Variants in GRM7 observed in about 807,000 individuals in gnomAD.
The protein encoded by GRM7 is glutamate metabotropic receptor 7.
A neutral mutation model predicts 84.5 loss-of-function variants in GRM7; 35 were observed. The observed-to-expected ratio is 0.41, with a 90% CI of 0.32 to 0.55. The LOEUF (loss-of-function observed/expected upper bound fraction) is 0.55, where lower values mean the gene tolerates loss of function less well. Among genes scored for constraint, GRM7 ranks in the 20% least tolerant of loss-of-function variants. The pLI, the probability that GRM7 is intolerant of heterozygous loss-of-function variation, is 0.19. For synonymous variants in GRM7, 487 were observed against 455.1 expected, an observed-to-expected ratio of 1.07 and a Z score of -0.89; for missense variants, 1,003 against 1,194.6, an observed-to-expected ratio of 0.84 and a Z score of 2.36.
intron 9 of GRM7, among the ~76,000 whole-genome samples, chr3:7,707,601 T>G (rs1345604479): frequency 6.6e-6 from 1 of 152,198 alleles, no homozygotes; most frequent in Non-Finnish European, 1.5e-5. Context: ...TTAAACCATT[T>G]ATTTTAAAGG....
chr3:7,463,120 TA>T (rs3838619), intron 7 of GRM7, among the ~76,000 whole-genome samples: 84,181 of 151,842 alleles, frequency 0.55, 24,380 homozygotes, highest in Non-Finnish European at 0.65. Flanking sequence ...CAAATAAAGG[TA>T]AGAGAATCAA....
At chr3:7,157,901 C>G (rs1263851458) in intron 2 of GRM7, among the ~76,000 whole-genome samples, 2 of 151,958 alleles carry the variant, frequency 1.3e-5, no homozygotes, top group African/African-American at 4.8e-5. Flanking sequence ...CCAGGAGAGC[C>G]AGGACTCCTT....
intron 4 of GRM7, among the ~76,000 whole-genome samples, chr3:7,407,772 C>T (rs193276085): frequency 6.6e-6 from 1 of 152,266 alleles, no homozygotes; most frequent in East Asian, 1.9e-4. Context: ...ATAACATAGC[C>T]AGTAGTTGGC....
At chr3:6,951,045 T>C (rs1195662746) in intron 1 of GRM7, among the ~76,000 whole-genome samples, 1 of 152,148 alleles carries the variant, frequency 6.6e-6, no homozygotes, top group Non-Finnish European at 1.5e-5. Context: ...TCACGCACAG[T>C]GCGCTGCACC....
In GRM7 at chr3:7,406,942, G is replaced by A. The variant is rs564751798; in HGVS notation, c.1034-8081G>A. Among the ~76,000 whole-genome samples the A allele has an allele frequency of 3.9e-5, 6 of 152,172 alleles. No individual in the cohort carries two copies. In the East Asian group the frequency reaches 9.7e-4, roughly 24 times the overall value. ...ACAATTACACTCACTGTTAGTAGAG[G>A]GAAAAAAGATATAAAAATATGGGAT... On this transcript the variant is annotated intron_variant, in intron 4 of 9. Coordinates refer to ENST00000357716, the MANE Select transcript of GRM7 (RefSeq NM_000844.4).
chr3:7,381,195 AT>A (rs1319559173), intron 4 of GRM7, among the ~76,000 whole-genome samples: 2 of 152,148 alleles, frequency 1.3e-5, no homozygotes, highest in Non-Finnish European at 2.9e-5. Flanking sequence ...CTATTTTAAA[AT>A]ATTTTTATTC....
intron 1 of GRM7, among the ~76,000 whole-genome samples, chr3:6,971,456 G>C (rs1206482886): frequency 1.3e-5 from 2 of 152,078 alleles, no homozygotes; most frequent in African/African-American, 4.8e-5. Context: ...TATGAACATG[G>C]ATAGCCCTCC....
At chr3:6,922,913 A>G (rs1337441434) in intron 1 of GRM7, among the ~76,000 whole-genome samples, 1 of 152,248 alleles carries the variant, frequency 6.6e-6, no homozygotes, top group African/African-American at 2.4e-5. Context: ...AAGAGAAAAT[A>G]GGAGAACTGC....
At chr3:6,888,763 G>T (rs1695809208) in intron 1 of GRM7, among the ~76,000 whole-genome samples, 1 of 152,084 alleles carries the variant, frequency 6.6e-6, no homozygotes, top group African/African-American at 2.4e-5. Context: ...TTCCAATTCT[G>T]TGAAGAAAAT....
At chr3:7,075,728 G>T (rs1004554777) in intron 1 of GRM7, among the ~76,000 whole-genome samples, 1 of 152,016 alleles carries the variant, frequency 6.6e-6, no homozygotes, top group South Asian at 2.1e-4. Flanking sequence ...GTTTCACCAT[G>T]TTGGCCAGGC....
chr3:7,089,045 G>A (rs1327094199), intron 1 of GRM7, among the ~76,000 whole-genome samples: 1 of 151,992 alleles, frequency 6.6e-6, no homozygotes, highest in South Asian at 2.1e-4. Flanking sequence ...AACAACAAAA[G>A]GTCTGGACAC....
At chr3:6,997,358 A>C (rs1694860772) in intron 1 of GRM7, among the ~76,000 whole-genome samples, 2 of 152,314 alleles carry the variant, frequency 1.3e-5, no homozygotes, top group Admixed American at 1.3e-4. Flanking sequence ...TAAAGGAAAG[A>C]GGTCTATTTG....
intron 7 of GRM7, among the ~76,000 whole-genome samples, chr3:7,538,239 A>T (rs1692661951): frequency 6.6e-6 from 1 of 152,172 alleles, no homozygotes; most frequent in South Asian, 2.1e-4. Context: ...CCTCCTGAGA[A>T]GCTGGGATTA....
chr3:7,430,200 G>A (rs1449042087), intron 5 of GRM7, among the ~76,000 whole-genome samples: 1 of 152,326 alleles, frequency 6.6e-6, no homozygotes, highest in East Asian at 1.9e-4. Context: ...TTTAATGGTT[G>A]CAGCCTATAG....
rs141057950 is a variant in GRM7, at chr3:7,614,640, A to G, written c.2451+35283A>G. On this transcript the variant is annotated intron_variant, in intron 8 of 9. Coordinates refer to ENST00000357716, the MANE Select transcript of GRM7 (RefSeq NM_000844.4). ...AGAATGCAAGAAGGAAACAGTCAGC[A>G]AATATATAATTTGTTCATTTTTCTC... Among the ~76,000 whole-genome samples, 489 of 152,304 alleles carry G rather than the reference A, an allele frequency of 3.2e-3. 7 individuals carry two copies. Among genetic ancestry groups the G allele is most frequent in the African/African-American group, 0.011 (447 of 41,564 alleles).
intron 1 of GRM7, among the ~76,000 whole-genome samples, chr3:7,124,083 T>A (rs1444047534): frequency 1.3e-5 from 2 of 152,190 alleles, no homozygotes; most frequent in East Asian, 3.8e-4. Context: ...TAGACTTTGG[T>A]GTGATCCAGA....
chr3:7,267,461 G>C (rs899222301), intron 2 of GRM7, among the ~76,000 whole-genome samples: 16 of 152,208 alleles, frequency 1.1e-4, no homozygotes, highest in African/African-American at 3.4e-4. Flanking sequence ...GGGAAGCAGG[G>C]ATTAGAATTG....
chr3:6,959,086 G>A (rs1382495246), intron 1 of GRM7, among the ~76,000 whole-genome samples: 1 of 152,208 alleles, frequency 6.6e-6, no homozygotes. Context: ...GAAAGTGATA[G>A]CTATGCTTGA....
At chr3:7,477,063 G>A (rs2124931308) in intron 7 of GRM7, among the ~76,000 whole-genome samples, 1 of 152,272 alleles carries the variant, frequency 6.6e-6, no homozygotes, top group South Asian at 2.1e-4. Flanking sequence ...CAAAGTGTTA[G>A]ACATCAAACT....
Sources: gnomAD v4.1 joint callset for allele counts (sites outside exome capture counted in the v4.1 genomes callset) on GRCh38, gnomAD v4.1.1 for gene constraint, MANE v1.5 for transcripts, NCBI Gene and HGNC (gene_info 2026-07-23, HGNC 2026-07-21) for gene names.